Variants in CMSS1 observed in about 807,000 individuals in gnomAD.
CMSS1 encodes the protein cms1 ribosomal small subunit homolog, also known as protein CMSS1.
A neutral mutation model predicts 43.5 loss-of-function variants in CMSS1; 33 were observed. The observed-to-expected ratio is 0.76, with a 90% CI of 0.57 to 1.01. The LOEUF (loss-of-function observed/expected upper bound fraction) is 1.01, where lower values mean the gene tolerates loss of function less well. CMSS1 is among the 50% of genes least tolerant of loss of function. The pLI is 0.00. For synonymous variants in CMSS1, 115 were observed against 117.2 expected, an observed-to-expected ratio of 0.98 and a Z score of 0.12; for missense variants, 313 against 326.4, an observed-to-expected ratio of 0.96 and a Z score of 0.32.
chr3:100,090,214 T>G lies in CMSS1; in HGVS notation c.65-56759T>G, dbSNP rs184825344. Among the ~76,000 whole-genome samples, 370 of 152,330 alleles carry G rather than the reference T, an allele frequency of 2.4e-3. 1 individual carries two copies. Among genetic ancestry groups the G allele is most frequent in the African/African-American group, 8.4e-3 (349 of 41,580 alleles). ...AAGGCCCCAGGCACCTTTGTCCACATGGGTCCATTGTGCAGCTGTTTGCTA... is the reference window on the plus strand; with the variant it reads ...AAGGCCCCAGGCACCTTTGTCCACAGGGGTCCATTGTGCAGCTGTTTGCTA... On this transcript the variant is annotated intron_variant, in intron 1 of 9. Transcript: ENST00000421999.
At chr3:99,849,529 G>A in intron 1 of CMSS1, 3 of 1,613,332 alleles carry the variant, frequency 1.9e-6, no homozygotes, top group South Asian at 1.1e-5. Context: ...CACTTCTCTT[G>A]AGAGGTGCCC....
intron 1 of CMSS1, among the ~76,000 whole-genome samples, chr3:100,110,543 C>T (rs1206541481): frequency 6.6e-6 from 1 of 152,120 alleles, no homozygotes; most frequent in Non-Finnish European, 1.5e-5. Flanking sequence ...TTACAACAAA[C>T]TTTAAATACA....
chr3:99,891,567 T>G lies in CMSS1; in HGVS notation c.64+73524T>G, dbSNP rs547537206. Among the ~76,000 whole-genome samples, 13 of 152,250 alleles carry G rather than the reference T, an allele frequency of 8.5e-5. No homozygotes were observed. The East Asian group carries it at 1.7e-3, about 20-fold the overall frequency. ...GCTTTTTAATATGTGTTGGATTTTT[T>G]GGGTTTTTTTTGTTTGTTTTGTTTT... On this transcript the variant is annotated intron_variant, in intron 1 of 9. Transcript: ENST00000421999.
chr3:100,169,466 T>C (rs150769135), intron 6 of CMSS1, among the ~76,000 whole-genome samples: 6 of 152,322 alleles, frequency 3.9e-5, no homozygotes, highest in African/African-American at 1.4e-4. Flanking sequence ...CTTGGTCAAA[T>C]AGACTAAGGT....
Position 100,167,955 on chromosome 3 carries a change from C to G in CMSS1, c.518+115C>G. 4 of 601,704 alleles carry G rather than the reference C, an allele frequency of 6.6e-6. No individual in the cohort carries two copies. The South Asian group carries it at 1.1e-4, about 17-fold the overall frequency. The allele number at this position is 601,704 out of a possible 1,614,324, so 37.3% of individuals were successfully genotyped here. On this transcript the variant is annotated intron_variant, in intron 6 of 9. Transcript: ENST00000421999. ...CAATAAACAAAACAGAGTCCCTGCC[C>G]TCATGGAATTTATATTTCAGTGGGG...
At chr3:99,979,412 A>AT (rs778961332) in intron 1 of CMSS1, among the ~76,000 whole-genome samples, 108 of 152,324 alleles carry the variant, frequency 7.1e-4, no homozygotes, top group Non-Finnish European at 1.5e-3. Context: ...TAAAGATGTT[A>AT]TATCATGTCC....
At chr3:99,937,826 G>A (rs1404953869) in intron 1 of CMSS1, among the ~76,000 whole-genome samples, 1 of 152,200 alleles carries the variant, frequency 6.6e-6, no homozygotes, top group Non-Finnish European at 1.5e-5. Context: ...AAGTAGCTGT[G>A]TATAGACCTC....
intron 1 of CMSS1, among the ~76,000 whole-genome samples, chr3:99,864,395 G>A (rs1043866752): frequency 1.3e-5 from 2 of 152,110 alleles, no homozygotes; most frequent in Non-Finnish European, 2.9e-5. Flanking sequence ...AACTGTATGA[G>A]CTAAGTATTA....
At chr3:99,857,331 C>T (rs1944015147) in intron 1 of CMSS1, among the ~76,000 whole-genome samples, 1 of 152,212 alleles carries the variant, frequency 6.6e-6, no homozygotes, top group African/African-American at 2.4e-5. Context: ...ACTGTTGGAA[C>T]AGGTCCTTCT....
At chr3:100,121,848 G>T (rs140245833) in intron 1 of CMSS1, among the ~76,000 whole-genome samples, 3 of 152,160 alleles carry the variant, frequency 2.0e-5, no homozygotes, top group African/African-American at 7.2e-5. Flanking sequence ...CTGGCCTCAC[G>T]GAGGGGCTAG....
chr3:99,983,389 A>AT (rs1559713312), intron 1 of CMSS1, among the ~76,000 whole-genome samples: 924 of 40,792 alleles, frequency 0.023, 47 homozygotes, highest in African/African-American at 0.056. Flanking sequence ...TAAATAAATA[A>AT]ATATATATAT....
At chr3:100,114,798 G>T in intron 1 of CMSS1, 1 of 566,878 alleles carries the variant, frequency 1.8e-6, no homozygotes, top group Non-Finnish European at 3.1e-6. Context: ...GCCATGAGCT[G>T]ATGTAAGCCT....
In CMSS1 at chr3:99,840,997, A is replaced by T. The variant is rs188100946; in HGVS notation, c.64+22954A>T. Among the ~76,000 whole-genome samples, 10 of 152,330 alleles carry T rather than the reference A, an allele frequency of 6.6e-5. No individual in the cohort carries two copies. The East Asian group carries it at 1.9e-3, about 29-fold the overall frequency. ...ATACTCTTGTTTCATTTCTTTGCCC[A>T]GGTTAATAAGCTCTTCAAGGGCAGT... On this transcript the variant is annotated intron_variant, in intron 1 of 9. Coordinates refer to ENST00000421999, the MANE Select transcript of CMSS1 (RefSeq NM_032359.4).
chr3:100,050,766 G>A (rs985719977), intron 1 of CMSS1, among the ~76,000 whole-genome samples: 2 of 152,114 alleles, frequency 1.3e-5, no homozygotes, highest in African/African-American at 4.8e-5. Flanking sequence ...CTGACCTCAG[G>A]TGATCCACCC....
intron 1 of CMSS1, among the ~76,000 whole-genome samples, chr3:100,124,817 G>C (rs2066650412): frequency 6.6e-6 from 1 of 152,144 alleles, no homozygotes; most frequent in African/African-American, 2.4e-5. Flanking sequence ...AGTTGCTGCT[G>C]CTGCTCTTTA....
rs939017150 is a variant in CMSS1, at chr3:100,178,638, A to C, written c.*250A>C. ...AGCGGACCGTGTTTTTCTGTCACCAACTGGCTTCTGATGTAACTGTGCAGG... is the reference window on the plus strand; with the variant it reads ...AGCGGACCGTGTTTTTCTGTCACCACCTGGCTTCTGATGTAACTGTGCAGG... On this transcript the variant is annotated 3_prime_UTR_variant, in exon 10 of 10. Transcript: ENST00000421999. 5 of 361,848 alleles carry C rather than the reference A, an allele frequency of 1.4e-5. No individual in the cohort carries two copies. The highest frequency in any genetic ancestry group is 8.3e-5 in the African/African-American group (4 of 48,418). The allele number at this position is 361,848 out of a possible 1,614,324, so 22.4% of individuals were successfully genotyped here. A position where few individuals can be genotyped will look rare whatever the true frequency, so the allele number is the denominator to read the frequency against.
At chr3:100,046,725 C>T (rs1277327375) in intron 1 of CMSS1, among the ~76,000 whole-genome samples, 1 of 152,194 alleles carries the variant, frequency 6.6e-6, no homozygotes, top group Non-Finnish European at 1.5e-5. Flanking sequence ...GAGAAAAATA[C>T]TCAAAATGCT....
chr3:99,850,442 CTT>C (rs757426039), intron 1 of CMSS1: 1 of 1,614,042 alleles, frequency 6.2e-7, no homozygotes, highest in Non-Finnish European at 8.5e-7. Context: ...AGTTTAAAGT[CTT>C]TACTCTGTAA....
chr3:100,062,786 C>G (rs566524181), intron 1 of CMSS1, among the ~76,000 whole-genome samples: 121 of 152,280 alleles, frequency 7.9e-4, no homozygotes, highest in African/African-American at 2.7e-3. Flanking sequence ...CCTCAGCATT[C>G]GCCCTACACC....
Sources: allele counts gnomAD v4.1 joint callset (sites outside exome capture counted in the v4.1 genomes callset), GRCh38; gene constraint gnomAD v4.1.1; transcripts MANE v1.5; gene names NCBI Gene and HGNC (gene_info 2026-07-23, HGNC 2026-07-21).